ABCA13: variants seen among roughly 807,000 people sequenced by gnomAD.
ABCA13 encodes the protein ATP-binding cassette sub-family A member 13.
ABCA13 carries 476 observed loss-of-function variants against 478.7 expected under a neutral mutation model. The observed-to-expected ratio is 0.99, with a 90% CI of 0.92 to 1.07. The LOEUF is 1.07. Ranked by LOEUF, ABCA13 falls within the 50% of genes least tolerant of loss-of-function variation. The probability of loss-of-function intolerance (pLI) is 0.00; values close to 1 mark genes in which losing one functional copy is unlikely to be tolerated. For missense variants in ABCA13, 6,060 were observed against 5,910.6 expected (o/e 1.03, Z -0.83); for synonymous variants, 2,252 against 2,158.9 (o/e 1.04, Z -1.20).
At position 48,455,291 on chromosome 7, in the gene ABCA13, G is replaced by A; in HGVS notation, c.12815+5G>A. The A allele has an allele frequency of 1.3e-6, 2 of 1,594,296 alleles. No individual in the cohort carries two copies. The highest frequency in any genetic ancestry group is 1.7e-6 in the Non-Finnish European group (2 of 1,168,146). ...GGCCGAGACCTACTTTTTCAGGTAA[G>A]TTGTTTTTGTTCCTTTGATTTCGAA... On this transcript the variant is annotated splice_donor_5th_base_variant and intron_variant, in intron 43 of 61. Transcript: ENST00000435803.
rs774654799 is a variant in ABCA13 at position 48,275,431 on chromosome 7, A to T, written c.5765A>T (p.His1922Leu). 2 of 1,613,948 alleles carry T rather than the reference A, an allele frequency of 1.2e-6. No individual in the cohort carries two copies. Among genetic ancestry groups the T allele is most frequent in the Non-Finnish European group, 1.7e-6 (2 of 1,179,874 alleles). ...SLVKTVQKFW[H>L]KILPFVPPSI... ...GTGAAAACTGTGCAGAAATTTTGGC[A>T]TAAGATATTACCGTTTGTCCCACCT... is the stretch of plus-strand genomic sequence containing the variant. Residue 1922 changes from histidine to leucine, a missense_variant, in exon 17 of 62, where the codon CAT (histidine) becomes CTT (leucine). By Grantham distance (99) the His-to-Leu change is moderately conservative. This residue lies in a region of ABCA13 where 4,423 missense variants were observed against 4,309.1 expected (regional missense o/e 1.03). Transcript: ENST00000435803.
At chr7:48,454,540 C>T (rs536541122) in intron 42 of ABCA13, among the ~76,000 whole-genome samples, 2 of 147,078 alleles carry the variant, frequency 1.4e-5, no homozygotes, top group South Asian at 2.4e-4. Context: ...GGGCAGGCGC[C>T]GGGCTCTCCT....
In ABCA13 at chr7:48,278,290, T is replaced by C. The variant is rs1796570227; in HGVS notation, c.7096T>C (p.Phe2366Leu). 1 of 1,612,476 alleles carries C rather than the reference T, an allele frequency of 6.2e-7. No homozygotes were observed. The highest frequency in any genetic ancestry group is 1.3e-5 in the African/African-American group (1 of 74,924). The stretch of plus-strand genomic sequence containing the variant: ...AGGACTGAAGTTCATGCAAGATTTA[T>C]TTAATGCCCTTCTCAGGGAAACTTC... ...HQGLKFMQDL[F>L]NALLRETSMK... The change falls in exon 18 of 62, where the codon TTT becomes CTT. Residue 2366 changes from phenylalanine to leucine, a missense_variant. Around this residue, in one of 3 missense-constraint regions of ABCA13, gnomAD observed 4,423 missense variants for 4,309.1 expected, o/e 1.03. Transcript: ENST00000435803.
intron 59 of ABCA13, among the ~76,000 whole-genome samples, chr7:48,640,191 A>G (rs1318053681): frequency 6.6e-6 from 1 of 152,168 alleles, no homozygotes; most frequent in Non-Finnish European, 1.5e-5. Context: ...GCTGAAATCA[A>G]TGTATTTGTT....
Position 48,271,768 on chromosome 7 carries a change from A to T in ABCA13, c.2121-19A>T. 7.9e-7 allele frequency: 1 copy of T among 1,272,776 alleles called. No homozygotes were observed. Among genetic ancestry groups the T allele is most frequent in the Non-Finnish European group, 1.0e-6 (1 of 983,976 alleles). 78.8% of individuals were successfully genotyped at this position (1,272,776 alleles called of 1,614,324 possible). A position where few individuals can be genotyped will look rare whatever the true frequency, so the allele number is the denominator to read the frequency against. ...TTATTTTTTTATTTTATACTAAAAT[A>T]ATTCTATTAATATTACAGGGCTTTA... On this transcript the variant is annotated intron_variant, in intron 16 of 61. Coordinates refer to ENST00000435803, the MANE Select transcript of ABCA13 (RefSeq NM_152701.5).
intron 54 of ABCA13, among the ~76,000 whole-genome samples, chr7:48,524,735 A>T (rs1832775592): frequency 6.6e-6 from 1 of 152,174 alleles, no homozygotes; most frequent in South Asian, 2.1e-4. Flanking sequence ...TGTTGAGCAA[A>T]TATTTTTTTG....
Position 48,198,321 on chromosome 7 carries a change from G to A in ABCA13, c.248G>A (p.Arg83Lys). The A allele has an allele frequency of 6.2e-7, 1 of 1,613,788 alleles. No individual in the cohort carries two copies. ...CTTTGTAACACTGGATCAAGGTGTAGGAACTTCAGCTATGAAGGGTCAATG... is the reference window on the plus strand; with the variant it reads ...CTTTGTAACACTGGATCAAGGTGTAAGAACTTCAGCTATGAAGGGTCAATG... ...SLLCNTGSRCRNFSYEGSMEH... is the reference protein window; with the variant it reads ...SLLCNTGSRCKNFSYEGSMEH... Residue 83 changes from arginine to lysine, a missense_variant, in exon 3 of 62, where the codon AGG becomes AAG. Transcript: ENST00000435803.
At chr7:48,450,509 G>A (rs548060229) in intron 42 of ABCA13, among the ~76,000 whole-genome samples, 2 of 152,156 alleles carry the variant, frequency 1.3e-5, no homozygotes, top group Admixed American at 1.3e-4. Flanking sequence ...GGCATGTAGG[G>A]TTTATGAATT....
chr7:48,258,985 CTT>C (rs767450011), intron 15 of ABCA13, among the ~76,000 whole-genome samples: 2 of 142,092 alleles, frequency 1.4e-5, no homozygotes, highest in African/African-American at 2.6e-5. Context: ...TTTGGTGTGA[CTT>C]TTTTTTTTTT....
chr7:48,374,266 C>T (rs1007631928), intron 33 of ABCA13, 81 bp from the exon 34 acceptor site: 4 of 1,304,390 alleles, frequency 3.1e-6, no homozygotes, highest in Non-Finnish European at 4.2e-6. Flanking sequence ...TGGCTTCGCT[C>T]CTTGAATTAA....
intron 50 of ABCA13, among the ~76,000 whole-genome samples, chr7:48,509,546 A>G (rs1321671070): frequency 6.6e-6 from 1 of 151,946 alleles, no homozygotes; most frequent in Non-Finnish European, 1.5e-5. Context: ...TATGCCTCCC[A>G]CTCAGTCTGA....
intron 27 of ABCA13, among the ~76,000 whole-genome samples, chr7:48,318,711 G>A (rs1372341773): frequency 6.6e-6 from 1 of 151,878 alleles, no homozygotes; most frequent in Admixed American, 6.6e-5. Context: ...GAGCCTCTGC[G>A]CCATTACTCG....
At position 48,641,347 on chromosome 7, in the gene ABCA13, T is replaced by C. The variant is rs146263629; in HGVS notation, c.14838-1941T>C. On this transcript the variant is annotated intron_variant, in intron 59 of 61. Transcript: ENST00000435803. ...GTTCTCCAAATAAATAGTGGCCTTC[T>C]TCACTCCAAGAAGAACATTCTTCTG... Among the ~76,000 whole-genome samples, 63 of 152,340 alleles carry C rather than the reference T, an allele frequency of 4.1e-4. 1 individual carries two copies. The South Asian group carries it at 4.3e-3, about 11-fold the overall frequency.
intron 5 of ABCA13, among the ~76,000 whole-genome samples, chr7:48,223,219 A>G (rs1787627825): frequency 6.6e-6 from 1 of 152,104 alleles, no homozygotes; most frequent in African/African-American, 2.4e-5. Flanking sequence ...GAAATCAGAA[A>G]TTGATTTGGG....
chr7:48,597,264 T>C (rs1790397493), intron 58 of ABCA13, among the ~76,000 whole-genome samples: 1 of 152,234 alleles, frequency 6.6e-6, no homozygotes, highest in Non-Finnish European at 1.5e-5. Context: ...GCAACACTTT[T>C]AAAGGCTATC....
intron 55 of ABCA13, among the ~76,000 whole-genome samples, chr7:48,532,041 T>C (rs748490028): frequency 5.3e-5 from 8 of 152,116 alleles, no homozygotes; most frequent in Non-Finnish European, 1.2e-4. Flanking sequence ...TTATGTTGAA[T>C]AGAAGTGCTG....
At position 48,272,174 on chromosome 7, in the gene ABCA13, A is replaced by C; in HGVS notation, c.2508A>C (p.Glu836Asp). 3 of 1,613,124 alleles carry C rather than the reference A, an allele frequency of 1.9e-6. No individual in the cohort carries two copies. The South Asian group carries it at 3.3e-5, about 18-fold the overall frequency. The change falls in exon 17 of 62, where the codon GAA becomes GAC. Residue 836 changes from glutamate to aspartate, a missense_variant. By Grantham distance (45) the Glu-to-Asp change is conservative (BLOSUM62 2). Around this residue, in one of 3 missense-constraint regions of ABCA13, gnomAD observed 4,423 missense variants for 4,309.1 expected, o/e 1.03. Coordinates refer to ENST00000435803, the MANE Select transcript of ABCA13 (RefSeq NM_152701.5). ...TTGAAATTAATCCCAAATTACTAGAATTATGGGCCTATGGCATTTCAAAAG... is the reference window on the plus strand; with the variant it reads ...TTGAAATTAATCCCAAATTACTAGACTTATGGGCCTATGGCATTTCAAAAG... ...ILFEINPKLL[E>D]LWAYGISKGK...
At chr7:48,342,244 T>G (rs1807355299) in intron 29 of ABCA13, among the ~76,000 whole-genome samples, 1 of 152,186 alleles carries the variant, frequency 6.6e-6, no homozygotes, top group African/African-American at 2.4e-5. Context: ...ACTCAATCCT[T>G]GCACACAGGG....
At chr7:48,248,477 A>G in intron 14 of ABCA13, 33 bp downstream of exon 14, 1 of 1,489,342 alleles carries the variant, frequency 6.7e-7, no homozygotes, top group Non-Finnish European at 9.0e-7. Flanking sequence ...ACTTATAAAC[A>G]ATTGGGACAT....
Sources: gnomAD v4.1 joint callset for allele counts (sites outside exome capture counted in the v4.1 genomes callset) on GRCh38, gnomAD v4.1.1 for gene constraint, gnomAD v4.1.1 regional missense constraint, MANE v1.5 for transcripts, NCBI Gene and HGNC (gene_info 2026-07-23, HGNC 2026-07-21) for gene names.